The following NTSR2 variants were observed in gnomAD, a reference collection of about 807,000 sequenced individuals.
The protein encoded by NTSR2 is neurotensin receptor type 2.
Under a neutral mutation model 24.1 loss-of-function variants are expected in NTSR2, and 22 were observed. That is an observed-to-expected ratio of 0.91 (90% CI 0.65 to 1.30). The LOEUF is 1.30. Ranked by LOEUF, NTSR2 falls within the 50% of genes most tolerant of loss-of-function variation. The probability of loss-of-function intolerance (pLI) is 0.00; values close to 1 mark genes in which losing one functional copy is unlikely to be tolerated. For synonymous variants in NTSR2, 291 were observed against 267.0 expected (o/e 1.09, Z -0.88); for missense variants, 570 against 570.4 (o/e 1.00, Z 0.01).
In NTSR2 at chr2:11,666,579, G is replaced by A. The variant is rs141303556; in HGVS notation, c.624+2927C>T. Among the ~76,000 whole-genome samples, 47 of 152,188 alleles carry A rather than the reference G, an allele frequency of 3.1e-4. No individual in the cohort carries two copies. The East Asian group carries it at 8.7e-3, about 28-fold the overall frequency. On this transcript the variant is annotated intron_variant, in intron 1 of 3. Transcript: ENST00000306928. The stretch of plus-strand genomic sequence containing the variant: ...CTGGGCGTGGTGGCACGTGCCTGTA[G>A]TCTCAGCTACTTGGGAGGCTGAGGC...
intron 1 of NTSR2, among the ~76,000 whole-genome samples, chr2:11,663,378 G>A (rs1312454053): frequency 6.6e-6 from 1 of 152,216 alleles, no homozygotes; most frequent in African/African-American, 2.4e-5. Context: ...TGGGACTGGA[G>A]CAGGAGACCA....
chr2:11,662,743 T>C (rs1218469523), intron 1 of NTSR2, among the ~76,000 whole-genome samples: 1 of 152,132 alleles, frequency 6.6e-6, no homozygotes, highest in Non-Finnish European at 1.5e-5. Context: ...ATCATGCCAC[T>C]GCACTCCAGC....
intron 1 of NTSR2, 46 bp downstream of exon 1, chr2:11,669,460 G>GGGGGGGGGGGGGGGGGGC: frequency 2.7e-5 from 7 of 254,718 alleles, no homozygotes; most frequent in Non-Finnish European, 4.1e-5. Flanking sequence ...TCCCAGCACC[G>GGGGGGGGGGGGGGGGGGC]CCCCCCCACC....
chr2:11,669,460 G>GGGGGGGGGGGGCCCCCCCCC, intron 1 of NTSR2, 46 bp downstream of exon 1: 7 of 254,726 alleles, frequency 2.7e-5, no homozygotes, highest in East Asian at 5.5e-5. Flanking sequence ...TCCCAGCACC[G>GGGGGGGGGGGGCCCCCCCCC]CCCCCCCACC....
At chr2:11,669,460 G>GGGGGCGGGGGGCCCCCCCCCCCCCCCC in intron 1 of NTSR2, 46 bp downstream of exon 1, 1 of 254,724 alleles carries the variant, frequency 3.9e-6, no homozygotes, top group East Asian at 5.5e-5. Flanking sequence ...TCCCAGCACC[G>GGGGGCGGGGGGCCCCCCCCCCCCCCCC]CCCCCCCACC....
chr2:11,664,833 A>G (rs958072796), intron 1 of NTSR2, among the ~76,000 whole-genome samples: 13 of 152,224 alleles, frequency 8.5e-5, no homozygotes, highest in African/African-American at 3.1e-4. Flanking sequence ...CTGATAAAAT[A>G]TTAGAATCAA....
rs1376976968 is a variant in NTSR2 at position 11,661,171 on chromosome 2, T to G, written c.898+796A>C. 2.6e-5 allele frequency among the ~76,000 whole-genome samples: 4 copies of G among 152,192 alleles called. No homozygotes were observed. In the East Asian group the frequency reaches 7.7e-4, roughly 29 times the overall value. ...TGCATTTTACAACTCTCCAGATCAT[T>G]CTTAACACACACTGAAGTTTGAGAG... On this transcript the variant is annotated intron_variant, in intron 2 of 3. Coordinates refer to ENST00000306928, the MANE Select transcript of NTSR2 (RefSeq NM_012344.4).
In NTSR2 at chr2:11,669,686, C is replaced by G; in HGVS notation, c.444G>C (p.Thr148=). Residue 148 remains threonine, a synonymous_variant, in exon 1 of 4, where the codon ACG becomes ACC. Transcript: ENST00000306928. The stretch of plus-strand genomic sequence containing the variant: ...CCACCAGCCACCGGGTCCGGCGTGG[C>G]GTCAGCAGGCTGCGGGCACGCAGGG... ...CQPLRARSLL[T]PRRTRWLVAL... is the part of the protein sequence containing the mutation. 6.5e-7 allele frequency: 1 copy of G among 1,533,492 alleles called. No homozygotes were observed. The highest frequency in any genetic ancestry group is 1.4e-5 in the African/African-American group (1 of 72,086). The allele number at this position is 1,533,492 out of a possible 1,614,324, so 95.0% of individuals were successfully genotyped here.
chr2:11,669,460 G>GGGCCCCCCCCCCCCCCCCC, intron 1 of NTSR2, 46 bp downstream of exon 1: 1 of 254,724 alleles, frequency 3.9e-6, no homozygotes, highest in African/African-American at 3.1e-5. Context: ...TCCCAGCACC[G>GGGCCCCCCCCCCCCCCCCC]CCCCCCCACC....
At position 11,660,090 on chromosome 2, in the gene NTSR2, ATGG is replaced by A; in HGVS notation, c.939_941del (p.His314del). On this transcript the variant is annotated inframe_deletion, in exon 3 of 4. Coordinates refer to ENST00000306928, the MANE Select transcript of NTSR2 (RefSeq NM_012344.4). ...CGTAGCAGTACATGAGCCTGCGGGC[ATGG>A]TACGGCAGCCAGCAGATGACATACA... 6.2e-7 allele frequency: 1 copy of A among 1,613,904 alleles called. No individual in the cohort carries two copies. The highest frequency in any genetic ancestry group is 8.5e-7 in the Non-Finnish European group (1 of 1,180,002).
At chr2:11,663,563 G>T (rs147613609) in intron 1 of NTSR2, among the ~76,000 whole-genome samples, 1,822 of 152,282 alleles carry the variant, frequency 0.012, 19 homozygotes, top group Admixed American at 0.047. Context: ...TAACCGCAAA[G>T]AAAACAAAAG....
chr2:11,665,811 G>A (rs979740915), intron 1 of NTSR2: 1 of 152,688 alleles, frequency 6.5e-6, no homozygotes, highest in African/African-American at 2.4e-5. Flanking sequence ...CGAAGAGGGA[G>A]GGCCCGTGGG....
chr2:11,665,972 T>A (rs1002221564), intron 1 of NTSR2: 1 of 152,694 alleles, frequency 6.5e-6, no homozygotes, highest in Non-Finnish European at 1.5e-5. Context: ...CAGTCCATGG[T>A]CACAGCCTCT....
chr2:11,662,341 C>A, intron 1 of NTSR2, 101 bp from the exon 2 acceptor site: 2 of 1,148,700 alleles, frequency 1.7e-6, no homozygotes, highest in South Asian at 2.2e-5. Flanking sequence ...GCAGAAGGAG[C>A]GGCAGAAGGG....
chr2:11,664,305 T>C (rs1376074191), intron 1 of NTSR2, among the ~76,000 whole-genome samples: 3 of 152,074 alleles, frequency 2.0e-5, no homozygotes, highest in Non-Finnish European at 4.4e-5. Context: ...TGTGTAGAGA[T>C]GGGGTTCTCA....
At chr2:11,663,966 CATT>C (rs1661137885) in intron 1 of NTSR2, among the ~76,000 whole-genome samples, 1 of 152,144 alleles carries the variant, frequency 6.6e-6, no homozygotes, top group African/African-American at 2.4e-5. Context: ...GGGTTATCAT[CATT>C]GATACTATGT....
rs1661297947 is a variant in NTSR2, at chr2:11,669,970, C to A, written c.160G>T (p.Ala54Ser). The A allele has an allele frequency of 2.6e-6, 4 of 1,511,486 alleles. No individual in the cohort carries two copies. The African/African-American group carries it at 4.3e-5, about 16-fold the overall frequency. The allele number at this position is 1,511,486 out of a possible 1,614,324, so 93.6% of individuals were successfully genotyped here. ...GCCCGCGCCTTCAGCACCACGTGCG[C>A]GGACAGCGCATTGCCCGCCGCGCCC... ...ALGAAGNALS[A>S]HVVLKARAGR... Residue 54 changes from alanine (A) to serine (S), a missense_variant, in exon 1 of 4, where the codon GCG becomes TCG. Physicochemically the swap from Ala to Ser is moderately conservative, Grantham distance 99 (BLOSUM62 1). Transcript: ENST00000306928.
chr2:11,661,938 T>A, intron 2 of NTSR2, 29 bp downstream of exon 2: 2 of 1,522,266 alleles, frequency 1.3e-6, no homozygotes, highest in Non-Finnish European at 1.8e-6. Context: ...GGCCCCTTTC[T>A]TCTGGGGTGA....
intron 1 of NTSR2, 111 bp from the exon 2 acceptor site, chr2:11,662,351 GT>G: frequency 9.4e-7 from 1 of 1,068,498 alleles, no homozygotes; most frequent in Non-Finnish European, 1.3e-6. Context: ...CGGCAGAAGG[GT>G]TAGAAGATAA....
Sources: allele counts gnomAD v4.1 joint callset (sites outside exome capture counted in the v4.1 genomes callset), GRCh38; gene constraint gnomAD v4.1.1; transcripts MANE v1.5; gene names NCBI Gene and HGNC (gene_info 2026-07-23, HGNC 2026-07-21).